The following BLK variants were observed in gnomAD, a reference collection of about 807,000 sequenced individuals.
BLK encodes the protein BLK proto-oncogene, Src family tyrosine kinase, also known as tyrosine-protein kinase Blk.
In BLK, 64 loss-of-function variants were observed where a neutral mutation model predicts 61.8. The observed-to-expected ratio is 1.03, with a 90% confidence interval of 0.85 to 1.27. The LOEUF is 1.27. Ranked by LOEUF, BLK falls within the 50% of genes most tolerant of loss-of-function variation. BLK has a pLI of 0.00. For synonymous variants in BLK, 351 were observed against 272.0 expected (o/e 1.29, Z -2.86); for missense variants, 853 against 660.5 (o/e 1.29, Z -3.19).
Position 11,554,752 on chromosome 8 carries a change from C to A in BLK, c.482C>A (p.Ser161Tyr), listed in dbSNP as rs779573209. 2 of 1,613,702 alleles carry A rather than the reference C, an allele frequency of 1.2e-6. No homozygotes were observed. The highest frequency in any genetic ancestry group is 1.7e-5 in the Admixed American group (1 of 60,024). ...TTCATGAACCCTCCAGGTGCCTTCT[C>A]CCTGTCTGTGAAGGATGTCACCACC... ...RESETNKGAF[S>Y]LSVKDVTTQG... The change falls in exon 7 of 13, where the codon TCC becomes TAC. Residue 161 changes from serine to tyrosine, a missense_variant. Physicochemically the swap from Ser to Tyr is moderately radical, Grantham distance 144. Transcript: ENST00000259089.
intron 3 of BLK, among the ~76,000 whole-genome samples, chr8:11,546,885 C>T (rs1244978342): frequency 6.6e-6 from 1 of 152,166 alleles, no homozygotes; most frequent in Non-Finnish European, 1.5e-5. Flanking sequence ...CCCTAGACTC[C>T]ACTTCTGCTC....
chr8:11,560,289 GGATGGATGGATACATGGAAGGATGCATA>G (rs1400347463), intron 10 of BLK: 9 of 213,298 alleles, frequency 4.2e-5, no homozygotes, highest in Admixed American at 3.2e-4. Context: ...ATGGATCCAT[GGATGGATGGATACATGGAAGGATGCATA>G]GATGGATGGA....
intron 10 of BLK, 40 bp downstream of exon 10, chr8:11,558,078 C>A (rs772458762): frequency 1.2e-5 from 19 of 1,592,392 alleles, no homozygotes; most frequent in Non-Finnish European, 1.2e-5. Context: ...GCGGCATGTG[C>A]CACCTGCTGC....
At chr8:11,506,156 G>T (rs1798762991) in intron 1 of BLK, among the ~76,000 whole-genome samples, 1 of 152,212 alleles carries the variant, frequency 6.6e-6, no homozygotes, top group Non-Finnish European at 1.5e-5. Flanking sequence ...CACGCAGAAG[G>T]TTACCAGCCT....
chr8:11,543,207 CTG>C lies in BLK; in HGVS notation c.-1-11_-1-10del, dbSNP rs1427950002. 2 of 1,613,524 alleles carry C rather than the reference CTG, an allele frequency of 1.2e-6. No homozygotes were observed. The highest frequency in any genetic ancestry group is 1.3e-5 in the African/African-American group (1 of 74,886). ...CCCGCTCTCTCATGTCCTCTGTCTGCTGTGTGTCTCCGACAGGATGGGGCTGG... is the reference window on the plus strand; with the variant it reads ...CCCGCTCTCTCATGTCCTCTGTCTGCTGTGTCTCCGACAGGATGGGGCTGG... On this transcript the variant is annotated splice_polypyrimidine_tract_variant and intron_variant, in intron 1 of 12. Transcript: ENST00000259089.
At chr8:11,543,905 G>C (rs995457962) in intron 2 of BLK, among the ~76,000 whole-genome samples, 1 of 152,086 alleles carries the variant, frequency 6.6e-6, no homozygotes, top group Non-Finnish European at 1.5e-5. Flanking sequence ...TAGTCATGCA[G>C]TTTGATTTGT....
chr8:11,554,595 C>G lies in BLK; in HGVS notation c.473-148C>G, dbSNP rs1040090560. The stretch of plus-strand genomic sequence containing the variant: ...TTCCAAAAGCATGGAGGTTGAGATG[C>G]AGGGAAAGGAAACTTGTGGAGGGAG... On this transcript the variant is annotated intron_variant, in intron 6 of 12. Coordinates refer to ENST00000259089, the MANE Select transcript of BLK (RefSeq NM_001715.3). The G allele has an allele frequency of 6.8e-5, 66 of 967,860 alleles. No homozygotes were observed. The African/African-American group carries it at 7.5e-4, about 11-fold the overall frequency. 60.0% of individuals were successfully genotyped at this position (967,860 alleles called of 1,614,324 possible).
At chr8:11,541,412 G>T (rs1251076174) in intron 1 of BLK, among the ~76,000 whole-genome samples, 1 of 151,980 alleles carries the variant, frequency 6.6e-6, no homozygotes. Flanking sequence ...ACAAATTAAA[G>T]GTGAACATAC....
chr8:11,535,288 G>GAAAT (rs1372394157), intron 1 of BLK, among the ~76,000 whole-genome samples: 1 of 141,652 alleles, frequency 7.1e-6, no homozygotes, highest in African/African-American at 2.6e-5. Flanking sequence ...AAGAAAGAAA[G>GAAAT]AAAGAAAGAA....
chr8:11,511,511 T>C (rs893773937), intron 1 of BLK, among the ~76,000 whole-genome samples: 1 of 152,104 alleles, frequency 6.6e-6, no homozygotes, highest in African/African-American at 2.4e-5. Context: ...CCTAAAAAAG[T>C]TTGATTTGCT....
At chr8:11,545,962 C>T (rs990934012) in intron 2 of BLK, 90 bp from the exon 3 acceptor site, 63 of 1,383,694 alleles carry the variant, frequency 4.6e-5, no homozygotes, top group Non-Finnish European at 6.3e-5. Context: ...CCTGGAGATA[C>T]CCTGGCTGCC....
intron 11 of BLK, 34 bp downstream of exon 11, chr8:11,561,486 G>C (rs777330405): frequency 6.2e-7 from 1 of 1,609,020 alleles, no homozygotes; most frequent in Non-Finnish European, 8.5e-7. Flanking sequence ...GGGAAACCTA[G>C]GGCCTTATCT....
At chr8:11,524,890 T>C (rs1799592093) in intron 1 of BLK, among the ~76,000 whole-genome samples, 1 of 146,782 alleles carries the variant, frequency 6.8e-6, no homozygotes, top group South Asian at 2.2e-4. Context: ...AAACAGGATG[T>C]AGATAATGAT....
chr8:11,528,619 G>T (rs1475225929), intron 1 of BLK, among the ~76,000 whole-genome samples: 1 of 152,166 alleles, frequency 6.6e-6, no homozygotes, highest in Admixed American at 6.5e-5. Flanking sequence ...TGGGGGAGGG[G>T]TTGACCCCAG....
intron 1 of BLK, among the ~76,000 whole-genome samples, chr8:11,523,252 A>G (rs1359530974): frequency 1.3e-5 from 2 of 152,234 alleles, no homozygotes. Flanking sequence ...GCTGTAATAC[A>G]TAATACAAAC....
intron 1 of BLK, among the ~76,000 whole-genome samples, chr8:11,525,513 T>C (rs1799619940): frequency 6.6e-6 from 1 of 152,176 alleles, no homozygotes; most frequent in Non-Finnish European, 1.5e-5. Context: ...CAATAATGTA[T>C]CCTGGGTATT....
rs1800623301 is a variant in BLK at position 11,546,068 on chromosome 8, T to C, written c.140T>C (p.Leu47Pro). 1 of 1,614,026 alleles carries C rather than the reference T, an allele frequency of 6.2e-7. No individual in the cohort carries two copies. The highest frequency in any genetic ancestry group is 1.3e-5 in the African/African-American group (1 of 74,906). The change falls in exon 3 of 13, where the codon CTT becomes CCT. Residue 47 changes from leucine (L) to proline (P), a missense_variant. Leu to Pro is a moderately conservative substitution (Grantham distance 98). Coordinates refer to ENST00000259089, the MANE Select transcript of BLK (RefSeq NM_001715.3). ...PLPPLVVFNH[L>P]TPPPPDEHLD... ...CTACCCAAGGTTGTCTTCAACCACC[T>C]TACTCCTCCACCGCCCGATGAACAC...
At chr8:11,515,634 G>C (rs764288900) in intron 1 of BLK, among the ~76,000 whole-genome samples, 1 of 151,950 alleles carries the variant, frequency 6.6e-6, no homozygotes, top group Non-Finnish European at 1.5e-5. Flanking sequence ...TCTGTCTTTA[G>C]AGGCCAGTCA....
At position 11,508,513 on chromosome 8, in the gene BLK, C is replaced by T. The variant is rs185065063; in HGVS notation, c.-2+13922C>T. Among the ~76,000 whole-genome samples the T allele has an allele frequency of 3.5e-3, 535 of 152,254 alleles. 5 individuals are homozygous for T. Among genetic ancestry groups the T allele is most frequent in the African/African-American group, 0.012 (510 of 41,542 alleles). On this transcript the variant is annotated intron_variant, in intron 1 of 12. Coordinates refer to ENST00000259089, the MANE Select transcript of BLK (RefSeq NM_001715.3). Reference sequence around the variant, plus strand: ...TCTTGGTGAGCCACATTCCTGTCCACGCAGTAGCTCCAGCCCCCACCCGTG... The same window carrying T: ...TCTTGGTGAGCCACATTCCTGTCCATGCAGTAGCTCCAGCCCCCACCCGTG...
Sources: allele counts gnomAD v4.1 joint callset (sites outside exome capture counted in the v4.1 genomes callset), GRCh38; gene constraint gnomAD v4.1.1; transcripts MANE v1.5; gene names NCBI Gene and HGNC (gene_info 2026-07-23, HGNC 2026-07-21).